The following NYAP2 variants were observed in gnomAD, a reference collection of about 807,000 sequenced individuals.
NYAP2 encodes the protein neuronal tyrosine-phosphorylated phosphoinositide-3-kinase adapter 2.
NYAP2 carries 23 observed loss-of-function variants against 50.4 expected under a neutral mutation model. That is an observed-to-expected ratio of 0.46 (90% CI 0.33 to 0.65). NYAP2 has a LOEUF of 0.65. NYAP2 is among the 30% of genes least tolerant of loss of function. The probability of loss-of-function intolerance (pLI) is 0.02; values close to 1 mark genes in which losing one functional copy is unlikely to be tolerated. For missense variants in NYAP2, 885 were observed against 861.0 expected, an observed-to-expected ratio of 1.03 and a Z score of -0.35; for synonymous variants, 394 against 365.2, an observed-to-expected ratio of 1.08 and a Z score of -0.90.
intron 5 of NYAP2, among the ~76,000 whole-genome samples, chr2:225,584,297 T>C (rs1438718852): frequency 5.3e-5 from 8 of 152,326 alleles, no homozygotes; most frequent in Middle Eastern, 3.4e-3. Context: ...ATATATAACT[T>C]ACAGAAAAGT....
chr2:225,639,792 T>C (rs1375839705), intron 6 of NYAP2, among the ~76,000 whole-genome samples: 1 of 152,144 alleles, frequency 6.6e-6, no homozygotes, highest in African/African-American at 2.4e-5. Flanking sequence ...GTAATTACAA[T>C]CGGTGATGAA....
chr2:225,591,131 G>A lies in NYAP2; in HGVS notation c.1618+8096G>A, dbSNP rs35417470. Among the ~76,000 whole-genome samples, 518 of 152,292 alleles carry A rather than the reference G, an allele frequency of 3.4e-3. 4 individuals are homozygous for A. The highest frequency in any genetic ancestry group is 5.8e-3 in the Non-Finnish European group (397 of 68,022). On this transcript the variant is annotated intron_variant, in intron 5 of 6. Coordinates refer to ENST00000636099, the Ensembl canonical transcript of NYAP2. Reference sequence around the variant, plus strand: ...CCAGAGCATGGCGGGCCCTCCAGATGGAGCTGTGACTCAGAACAAAGGTGT... The same window carrying A: ...CCAGAGCATGGCGGGCCCTCCAGATAGAGCTGTGACTCAGAACAAAGGTGT...
At chr2:225,478,010 A>G (rs138023047) in intron 3 of NYAP2, among the ~76,000 whole-genome samples, 2 of 152,344 alleles carry the variant, frequency 1.3e-5, no homozygotes, top group Non-Finnish European at 2.9e-5. Context: ...GTTAGGTCAT[A>G]AGGGAAGAAA....
chr2:225,433,205 G>T (rs1689297676), intron 3 of NYAP2, among the ~76,000 whole-genome samples: 1 of 151,910 alleles, frequency 6.6e-6, no homozygotes, highest in African/African-American at 2.4e-5. Flanking sequence ...AGCCATTTTA[G>T]CTGGGTGCAG....
chr2:225,629,305 T>C (rs1434441040), intron 6 of NYAP2, among the ~76,000 whole-genome samples: 2 of 152,162 alleles, frequency 1.3e-5, no homozygotes, highest in Admixed American at 1.3e-4. Flanking sequence ...CCTCAGCAAA[T>C]TGGATGATGC....
chr2:225,564,717 T>C (rs1053154267), intron 4 of NYAP2, among the ~76,000 whole-genome samples: 1 of 152,108 alleles, frequency 6.6e-6, no homozygotes, highest in African/African-American at 2.4e-5. Context: ...TATCTGCATG[T>C]CCTCATAATG....
chr2:225,627,057 C>T, exon 6 of NYAP2: 2 of 1,597,664 alleles, frequency 1.3e-6, no homozygotes, highest in Non-Finnish European at 8.5e-7. Context: ...ACCAGGGACA[C>T]CTGTGGTCAC....
chr2:225,450,932 A>G (rs1689640342), intron 3 of NYAP2, among the ~76,000 whole-genome samples: 1 of 152,208 alleles, frequency 6.6e-6, no homozygotes, highest in Non-Finnish European at 1.5e-5. Flanking sequence ...AATGCTGTTC[A>G]TGAGAATACT....
In NYAP2 at chr2:225,512,831, C is replaced by CTTTCTTTCTTTCTTTCTT. The variant is rs549251468; in HGVS notation, c.222-539_222-538insTTCTTTCTTTCTTTCTTT. ...TTCTTTTCTTTCTTTCTCTCTCTCT[C>CTTTCTTTCTTTCTTTCTT]TCTCTCTTTCTTTCTTTCTTTCTTC... is the stretch of plus-strand genomic sequence containing the variant. On this transcript the variant is annotated intron_variant, in intron 3 of 6. Coordinates refer to ENST00000636099, the Ensembl canonical transcript of NYAP2. 1.4e-3 allele frequency among the ~76,000 whole-genome samples: 110 copies of CTTTCTTTCTTTCTTTCTT among 77,544 alleles called. 4 individuals carry two copies. Among genetic ancestry groups the CTTTCTTTCTTTCTTTCTT allele is most frequent in the African/African-American group, 4.4e-3 (90 of 20,422 alleles). The allele number at this position is 77,544 out of a possible 152,430, so 50.9% of individuals were successfully genotyped here. A position where few individuals can be genotyped will look rare whatever the true frequency, so the allele number is the denominator to read the frequency against.
intron 3 of NYAP2, among the ~76,000 whole-genome samples, chr2:225,422,220 G>A (rs780911834): frequency 2.0e-5 from 3 of 152,154 alleles, no homozygotes; most frequent in Non-Finnish European, 4.4e-5. Flanking sequence ...GAGAGATCGG[G>A]AAGGGGGAAG....
chr2:225,413,857 A>G (rs1695085031), intron 3 of NYAP2, among the ~76,000 whole-genome samples: 1 of 152,228 alleles, frequency 6.6e-6, no homozygotes, highest in African/African-American at 2.4e-5. Context: ...CATGCTGAAA[A>G]TCTAAAGATG....
exon 4 of NYAP2, chr2:225,513,653 A>G (rs1690875112): frequency 6.6e-7 from 1 of 1,513,032 alleles, no homozygotes; most frequent in Non-Finnish European, 8.8e-7. Flanking sequence ...AGAGCGGGAA[A>G]ACCCCTGAGA....
intron 4 of NYAP2, among the ~76,000 whole-genome samples, chr2:225,517,396 T>C (rs1358918975): frequency 2.0e-5 from 3 of 152,256 alleles, no homozygotes; most frequent in East Asian, 1.9e-4. Context: ...CTCACATTGG[T>C]CATCCCCATT....
At chr2:225,490,887 T>C (rs992604938) in intron 3 of NYAP2, among the ~76,000 whole-genome samples, 2 of 152,238 alleles carry the variant, frequency 1.3e-5, no homozygotes, top group Non-Finnish European at 2.9e-5. Context: ...TTAAAAGATG[T>C]TGCTTCTCAG....
intron 6 of NYAP2, among the ~76,000 whole-genome samples, chr2:225,643,607 C>T (rs1487516987): frequency 6.7e-6 from 1 of 148,338 alleles, no homozygotes. Flanking sequence ...CCCCACCCCA[C>T]AACAGTCCCC....
intron 5 of NYAP2, among the ~76,000 whole-genome samples, chr2:225,583,271 A>C (rs1692332032): frequency 6.6e-6 from 1 of 152,226 alleles, no homozygotes. Context: ...TTAAAAGAAG[A>C]GTGATTTTGA....
At chr2:225,510,144 A>G (rs1690785649) in intron 3 of NYAP2, among the ~76,000 whole-genome samples, 1 of 152,228 alleles carries the variant, frequency 6.6e-6, no homozygotes, top group Non-Finnish European at 1.5e-5. Flanking sequence ...GCATTCATAC[A>G]AGCAAGAAAC....
chr2:225,506,431 CTT>C (rs1690708337), intron 3 of NYAP2, among the ~76,000 whole-genome samples: 1 of 152,338 alleles, frequency 6.6e-6, no homozygotes, highest in African/African-American at 2.4e-5. Flanking sequence ...AAAAGTCTGA[CTT>C]TGAGTTGAGG....
intron 4 of NYAP2, among the ~76,000 whole-genome samples, chr2:225,561,860 C>A (rs1358662745): frequency 6.6e-6 from 1 of 151,834 alleles, no homozygotes; most frequent in Non-Finnish European, 1.5e-5. Context: ...ATGTGCTCAT[C>A]TGGATGGGGT....
Sources: gnomAD v4.1 joint callset for allele counts (sites outside exome capture counted in the v4.1 genomes callset) on GRCh38, gnomAD v4.1.1 for gene constraint, MANE v1.5 for transcripts, NCBI Gene and HGNC (gene_info 2026-07-23, HGNC 2026-07-21) for gene names.